Variants in ASH1L observed in about 807,000 individuals in gnomAD.
ASH1L encodes histone-lysine N-methyltransferase ASH1L.
ASH1L carries 23 observed loss-of-function variants against 269.0 expected under a neutral mutation model. The ratio of observed to expected loss-of-function variants is 0.09; its 90% CI spans 0.06 to 0.12. The LOEUF is 0.12. Among genes scored for constraint, ASH1L ranks in the 10% least tolerant of loss-of-function variants. The pLI is 1.00. For synonymous variants in ASH1L, 1,187 were observed against 1,253.5 expected, an observed-to-expected ratio of 0.95 and a Z score of 1.12; for missense variants, 2,912 against 3,567.8, an observed-to-expected ratio of 0.82 and a Z score of 4.68.
chr1:155,415,913 C>T lies in ASH1L; in HGVS notation c.5839G>A (p.Ala1947Thr). ...EQENNKSFNEAPVEIPSPSET... is the reference protein window; with the variant it reads ...EQENNKSFNETPVEIPSPSET... ...GAAGGACTGGGAATCTCAACTGGTGCTTCATTAAAGCTAGAAAGAGAAGTT... is the reference window on the plus strand; with the variant it reads ...GAAGGACTGGGAATCTCAACTGGTGTTTCATTAAAGCTAGAAAGAGAAGTT... The change falls in exon 6 of 28, where the codon GCA becomes ACA. Residue 1947 changes from alanine (A) to threonine (T), a missense_variant. This residue lies in a region of ASH1L where 789 missense variants were observed against 897.6 expected (regional missense o/e 0.88). Coordinates refer to ENST00000392403, the MANE Select transcript of ASH1L (RefSeq NM_018489.3). 3.9e-6 allele frequency: 6 copies of T among 1,550,686 alleles called. No individual in the cohort carries two copies. Among genetic ancestry groups the T allele is most frequent in the South Asian group, 1.3e-5 (1 of 79,374 alleles).
intron 7 of ASH1L, 104 bp downstream of exon 7, chr1:155,395,355 C>A: frequency 2.5e-6 from 2 of 809,410 alleles, no homozygotes; most frequent in Non-Finnish European, 3.7e-6. Flanking sequence ...GAGCTTGATC[C>A]CACTGGAGAA....
At chr1:155,458,280 A>C (rs1299220533) in intron 4 of ASH1L, among the ~76,000 whole-genome samples, 1 of 152,244 alleles carries the variant, frequency 6.6e-6, no homozygotes, top group Non-Finnish European at 1.5e-5. Context: ...ATACAATTTG[A>C]AAGGCCTTCT....
chr1:155,542,574 T>C (rs1030294662), intron 1 of ASH1L, among the ~76,000 whole-genome samples: 1 of 151,868 alleles, frequency 6.6e-6, no homozygotes, highest in Non-Finnish European at 1.5e-5. Context: ...TAATTACATT[T>C]TGGCGATGAT....
rs1331097347 is a variant in ASH1L at position 155,482,170 on chromosome 1, T to C, written c.700A>G (p.Lys234Glu). 2.5e-6 allele frequency: 4 copies of C among 1,614,214 alleles called. No homozygotes were observed. The highest frequency in any genetic ancestry group is 3.4e-6 in the Non-Finnish European group (4 of 1,180,018). The part of the protein sequence containing the change: ...IATCPPSKSS[K>E]TKPKKLGTGT... ...GTTCCTAACTTCTTCGGTTTTGTCT[T>C]GGAAGACTTGGAAGGAGGACAGGTA... is the stretch of plus-strand genomic sequence containing the variant. Residue 234 changes from lysine (K) to glutamate (E), a missense_variant, in exon 3 of 28, where the codon AAG (lysine) becomes GAG (glutamate). This residue lies in a region of ASH1L where 277 missense variants were observed against 367.7 expected (regional missense o/e 0.75). Coordinates refer to ENST00000392403, the MANE Select transcript of ASH1L (RefSeq NM_018489.3).
chr1:155,425,277 GTTTT>G (rs550440576), intron 5 of ASH1L, among the ~76,000 whole-genome samples: 1 of 129,262 alleles, frequency 7.7e-6, no homozygotes. Context: ...GCCCGGCCTA[GTTTT>G]TTTTTTTTTT....
Position 155,415,892 on chromosome 1 carries a change from G to T in ASH1L, c.5860C>A (p.Pro1954Thr), listed in dbSNP as rs778032007. 1.2e-6 allele frequency: 2 copies of T among 1,602,116 alleles called. No individual in the cohort carries two copies. Among genetic ancestry groups the T allele is most frequent in the Non-Finnish European group, 1.7e-6 (2 of 1,175,242 alleles). ...FNEAPVEIPS[P>T]SETPAKPSEP... is the part of the protein sequence containing the mutation. ...GAAGGTTTAGCTGGGGTTTCAGAAG[G>T]ACTGGGAATCTCAACTGGTGCTTCA... Residue 1954 changes from proline to threonine, a missense_variant, in exon 6 of 28, where the codon CCT becomes ACT. By Grantham distance (38) the Pro-to-Thr change is conservative (BLOSUM62 -1). This residue lies in a region of ASH1L where 193 missense variants were observed against 311.6 expected (regional missense o/e 0.62). Transcript: ENST00000392403.
In ASH1L at chr1:155,357,304, T is replaced by C; in HGVS notation, c.7055+12A>G. 1.2e-6 allele frequency: 2 copies of C among 1,601,768 alleles called. No individual in the cohort carries two copies. The highest frequency in any genetic ancestry group is 1.7e-6 in the Non-Finnish European group (2 of 1,169,544). ...CTTACAAAGAACATGGATAAGGATA[T>C]TTCCTTTTTACCTTTCACGATTGGA... is the stretch of plus-strand genomic sequence containing the variant. On this transcript the variant is annotated intron_variant, in intron 15 of 27. Transcript: ENST00000392403.
intron 6 of ASH1L, among the ~76,000 whole-genome samples, chr1:155,412,132 C>T (rs1659861295): frequency 6.6e-6 from 1 of 151,798 alleles, no homozygotes; most frequent in African/African-American, 2.4e-5. Flanking sequence ...GTCCCAGCTA[C>T]TCAGGAGGCT....
intron 2 of ASH1L, among the ~76,000 whole-genome samples, chr1:155,503,506 A>G (rs1667636287): frequency 6.6e-6 from 1 of 152,230 alleles, no homozygotes; most frequent in Non-Finnish European, 1.5e-5. Context: ...TTGTTTCAAA[A>G]GTGAGTTCTG....
At chr1:155,360,189 C>T (rs574813791) in intron 13 of ASH1L, 112 bp downstream of exon 13, 11 of 724,940 alleles carry the variant, frequency 1.5e-5, no homozygotes, top group African/African-American at 1.2e-4. Context: ...TGTGTCCAGC[C>T]TCCCACATAC....
intron 1 of ASH1L, among the ~76,000 whole-genome samples, chr1:155,555,782 T>C (rs1671545091): frequency 6.6e-6 from 1 of 152,206 alleles, no homozygotes; most frequent in African/African-American, 2.4e-5. Flanking sequence ...TAGAAGTAGA[T>C]GGTGTAAGTA....
chr1:155,496,739 A>G (rs1570984786), intron 2 of ASH1L, among the ~76,000 whole-genome samples: 3 of 152,090 alleles, frequency 2.0e-5, no homozygotes, highest in South Asian at 2.1e-4. Flanking sequence ...CCTGGGCTCA[A>G]GCAATCCTTC....
Position 155,481,285 on chromosome 1 carries a change from A to C in ASH1L, c.1585T>G (p.Ser529Ala). 6.2e-7 allele frequency: 1 copy of C among 1,614,142 alleles called. No individual in the cohort carries two copies. The highest frequency in any genetic ancestry group is 8.5e-7 in the Non-Finnish European group (1 of 1,179,996). Residue 529 changes from serine to alanine, a missense_variant, in exon 3 of 28, where the codon TCT becomes GCT. Transcript: ENST00000392403. ...GCACCTCCCATTTTAAAGTCCGGAG[A>C]AGTGCAATATACAGGAGGCTGCTTT... ...HEKQPPVYCT[S>A]PDFKMGGASD...
At chr1:155,475,302 GATTTTTGT>G (rs1665455135) in intron 3 of ASH1L, among the ~76,000 whole-genome samples, 1 of 151,880 alleles carries the variant, frequency 6.6e-6, no homozygotes, top group Non-Finnish European at 1.5e-5. Flanking sequence ...ATGCCCGGCT[GATTTTTGT>G]ATTTTTAGTA....
At chr1:155,536,439 A>G (rs1436999501) in intron 1 of ASH1L, among the ~76,000 whole-genome samples, 1 of 152,198 alleles carries the variant, frequency 6.6e-6, no homozygotes, top group Non-Finnish European at 1.5e-5. Context: ...TTTTGGCCTA[A>G]TAACTTGTTA....
intron 26 of ASH1L, among the ~76,000 whole-genome samples, chr1:155,339,048 G>A (rs1244037656): frequency 6.6e-6 from 1 of 152,192 alleles, no homozygotes; most frequent in Non-Finnish European, 1.5e-5. Flanking sequence ...AATGGGGAAA[G>A]CTTACAGACA....
At position 155,419,240 on chromosome 1, in the gene ASH1L, A is replaced by T. The variant is rs191804108; in HGVS notation, c.5829-3317T>A. 5.0e-3 allele frequency among the ~76,000 whole-genome samples: 754 copies of T among 152,192 alleles called. 3 individuals carry two copies. Among genetic ancestry groups the T allele is most frequent in the Non-Finnish European group, 6.3e-3 (431 of 68,014 alleles). On this transcript the variant is annotated intron_variant, in intron 5 of 27. Transcript: ENST00000392403. ...ACATAGCAAGACCCATTTCTTAAAA[A>T]AATAATAATAATAAAAAAGTTTAGA...
chr1:155,378,580 C>G (rs781333963), intron 8 of ASH1L, 32 bp from the exon 9 acceptor site: 4 of 1,551,976 alleles, frequency 2.6e-6, no homozygotes, highest in Non-Finnish European at 3.5e-6. Context: ...CTTGATATAG[C>G]ATTTAACTTC....
intron 21 of ASH1L, 107 bp from the exon 22 acceptor site, chr1:155,344,380 A>G: frequency 1.2e-6 from 1 of 806,204 alleles, no homozygotes; most frequent in Admixed American, 2.5e-5. Flanking sequence ...AGTCATTTCA[A>G]TATACCACAG....
Sources: allele counts gnomAD v4.1 joint callset (sites outside exome capture counted in the v4.1 genomes callset), GRCh38; gene constraint gnomAD v4.1.1; regional missense constraint gnomAD v4.1.1; transcripts MANE v1.5; gene names NCBI Gene and HGNC (gene_info 2026-07-23, HGNC 2026-07-21).